MCUB: variants seen among roughly 807,000 people sequenced by gnomAD.
MCUB encodes mitochondrial calcium uniporter dominant negative subunit beta, also known as calcium uniporter regulatory subunit MCUb, mitochondrial.
Under a neutral mutation model 41.4 loss-of-function variants are expected in MCUB, and 46 were observed. The observed-to-expected ratio is 1.11, with a 90% CI of 0.88 to 1.42. The LOEUF (loss-of-function observed/expected upper bound fraction) is 1.42, where lower values mean the gene tolerates loss of function less well. Ranked by LOEUF, MCUB falls within the 40% of genes most tolerant of loss-of-function variation. The probability of loss-of-function intolerance (pLI) is 0.00; values close to 1 mark genes in which losing one functional copy is unlikely to be tolerated. For synonymous variants in MCUB, 148 were observed against 148.2 expected (o/e 1.00, Z 0.01); for missense variants, 403 against 404.9 (o/e 1.00, Z 0.04).
chr4:109,640,306 C>T (rs1728686200), intron 1 of MCUB, among the ~76,000 whole-genome samples: 1 of 152,172 alleles, frequency 6.6e-6, no homozygotes, highest in Non-Finnish European at 1.5e-5. Context: ...TTGCTTCAGG[C>T]CATCTGGATG....
chr4:109,679,594 C>T (rs1561251634), intron 4 of MCUB, among the ~76,000 whole-genome samples: 1 of 152,136 alleles, frequency 6.6e-6, no homozygotes, highest in African/African-American at 2.4e-5. Context: ...TACAGTCCAG[C>T]CTCGGCAAGA....
intron 4 of MCUB, 26 bp downstream of exon 4, chr4:109,664,420 T>TA: frequency 1.2e-5 from 10 of 832,212 alleles, no homozygotes; most frequent in South Asian, 1.7e-5. Flanking sequence ...ATCCAACTAT[T>TA]ACTTTTTTTT....
intron 1 of MCUB, among the ~76,000 whole-genome samples, chr4:109,604,959 A>C (rs1479247548): frequency 1.3e-5 from 2 of 152,138 alleles, no homozygotes; most frequent in Non-Finnish European, 2.9e-5. Context: ...AATATTCATG[A>C]GGGATATTGA....
At chr4:109,657,531 C>T (rs1561243705) in intron 1 of MCUB, among the ~76,000 whole-genome samples, 1 of 152,108 alleles carries the variant, frequency 6.6e-6, no homozygotes, top group Non-Finnish European at 1.5e-5. Flanking sequence ...CAATTACTGG[C>T]AAACTTATTG....
chr4:109,625,578 G>A (rs1728343418), intron 1 of MCUB, among the ~76,000 whole-genome samples: 1 of 152,176 alleles, frequency 6.6e-6, no homozygotes, highest in Non-Finnish European at 1.5e-5. Flanking sequence ...ATTTTAATAG[G>A]TTAGGTGCAT....
intron 1 of MCUB, among the ~76,000 whole-genome samples, chr4:109,627,086 C>T (rs1034615102): frequency 2.6e-5 from 4 of 152,222 alleles, no homozygotes; most frequent in Middle Eastern, 3.4e-3. Flanking sequence ...GAATTATGAA[C>T]ATTTGCTAGG....
At chr4:109,620,289 G>T (rs186013269) in intron 1 of MCUB, among the ~76,000 whole-genome samples, 2 of 152,168 alleles carry the variant, frequency 1.3e-5, no homozygotes, top group East Asian at 3.9e-4. Flanking sequence ...CAACAGGTCA[G>T]AGGTGAGGCC....
At chr4:109,671,280 G>A (rs945410222) in intron 4 of MCUB, among the ~76,000 whole-genome samples, 6 of 152,142 alleles carry the variant, frequency 3.9e-5, no homozygotes, top group Non-Finnish European at 7.4e-5. Flanking sequence ...CTTTTGGACA[G>A]TTCTCAGCCA....
intron 1 of MCUB, among the ~76,000 whole-genome samples, chr4:109,645,849 G>T (rs1021411091): frequency 2.0e-5 from 3 of 152,128 alleles, no homozygotes; most frequent in African/African-American, 7.2e-5. Flanking sequence ...CTGCTCAGAT[G>T]CTCTCCATCT....
In MCUB at chr4:109,687,535, G is replaced by C; in HGVS notation, c.954G>C (p.Gln318His). Residue 318 changes from glutamine (Q) to histidine (H), a missense_variant, in exon 8 of 8, where the codon CAG (glutamine) becomes CAC (histidine). By Grantham distance (24) the Gln-to-His change is conservative. Coordinates refer to ENST00000394650, the MANE Select transcript of MCUB (RefSeq NM_017918.5). ...GACAGGCTAAAGAATCCCTGAAACA[G>C]GCGCGTCATTCTCTCTGTTTGCAAA... is the stretch of plus-strand genomic sequence containing the variant. ...DLAKAKESLK[Q>H]ARHSLCLQMQ... 1 of 1,612,622 alleles carries C rather than the reference G, an allele frequency of 6.2e-7. No individual in the cohort carries two copies. Among genetic ancestry groups the C allele is most frequent in the South Asian group, 1.1e-5 (1 of 90,910 alleles).
At chr4:109,622,692 G>A (rs1286466060) in intron 1 of MCUB, among the ~76,000 whole-genome samples, 5 of 152,166 alleles carry the variant, frequency 3.3e-5, no homozygotes, top group Admixed American at 1.3e-4. Flanking sequence ...TGTGCCCACA[G>A]CACCCCAAAC....
At chr4:109,608,895 T>C (rs377074362) in intron 1 of MCUB, among the ~76,000 whole-genome samples, 9 of 152,182 alleles carry the variant, frequency 5.9e-5, no homozygotes, top group African/African-American at 2.2e-4. Flanking sequence ...ACTTGGGTGT[T>C]GTGATCTAAG....
At chr4:109,679,573 G>A (rs1349728557) in intron 4 of MCUB, among the ~76,000 whole-genome samples, 2 of 152,234 alleles carry the variant, frequency 1.3e-5, no homozygotes, top group African/African-American at 4.8e-5. Context: ...AGCGAGCCGA[G>A]ATCATGGCAG....
At chr4:109,608,755 C>G (rs753224713) in intron 1 of MCUB, among the ~76,000 whole-genome samples, 2 of 152,110 alleles carry the variant, frequency 1.3e-5, no homozygotes, top group Non-Finnish European at 2.9e-5. Flanking sequence ...CCTGCCTTGG[C>G]TTCCCAAAGT....
intron 1 of MCUB, among the ~76,000 whole-genome samples, chr4:109,631,916 G>A (rs370023458): frequency 3.0e-4 from 46 of 152,224 alleles, no homozygotes; most frequent in African/African-American, 1.0e-3. Context: ...CCCACCAAGA[G>A]GGCTGGTCTA....
chr4:109,653,050 C>T (rs945151136), intron 1 of MCUB, among the ~76,000 whole-genome samples: 1 of 152,138 alleles, frequency 6.6e-6, no homozygotes, highest in Non-Finnish European at 1.5e-5. Context: ...GGTGGGATTA[C>T]TGGGTCACAT....
intron 1 of MCUB, among the ~76,000 whole-genome samples, chr4:109,637,566 C>G (rs1728622188): frequency 6.6e-6 from 1 of 152,216 alleles, no homozygotes; most frequent in African/African-American, 2.4e-5. Flanking sequence ...GAATATTACT[C>G]AGCCATAAAA....
intron 1 of MCUB, among the ~76,000 whole-genome samples, chr4:109,572,660 TA>T (rs1319765655): frequency 6.7e-6 from 1 of 149,822 alleles, no homozygotes; most frequent in Non-Finnish European, 1.5e-5. Flanking sequence ...CATGACTTCA[TA>T]TAATGAAGTC....
At chr4:109,568,591 C>T (rs1007781200) in intron 1 of MCUB, among the ~76,000 whole-genome samples, 1 of 152,158 alleles carries the variant, frequency 6.6e-6, no homozygotes, top group Admixed American at 6.5e-5. Flanking sequence ...AGCCACCCCC[C>T]ATCTCCCCAC....
Sources: gnomAD v4.1 joint callset for allele counts (sites outside exome capture counted in the v4.1 genomes callset) on GRCh38, gnomAD v4.1.1 for gene constraint, MANE v1.5 for transcripts, NCBI Gene and HGNC (gene_info 2026-07-23, HGNC 2026-07-21) for gene names.